SCAPER: variants seen among roughly 807,000 people sequenced by gnomAD.
The protein encoded by SCAPER is S-phase cyclin A associated protein in the ER.
SCAPER carries 98 observed loss-of-function variants against 182.2 expected under a neutral mutation model. The ratio of observed to expected loss-of-function variants is 0.54; its 90% CI spans 0.46 to 0.64. The LOEUF (loss-of-function observed/expected upper bound fraction) is 0.64, where lower values mean the gene tolerates loss of function less well. Ranked by LOEUF, SCAPER falls within the 30% of genes least tolerant of loss-of-function variation. The pLI, the probability that SCAPER is intolerant of heterozygous loss-of-function variation, is 0.00. For synonymous variants in SCAPER, 605 were observed against 564.6 expected (o/e 1.07, Z -1.01); for missense variants, 1,432 against 1,690.0 (o/e 0.85, Z 2.68).
intron 25 of SCAPER, among the ~76,000 whole-genome samples, chr15:76,443,163 C>T (rs1301653577): frequency 6.6e-6 from 1 of 152,158 alleles, no homozygotes; most frequent in Non-Finnish European, 1.5e-5. Flanking sequence ...TCCTCCCAAA[C>T]AGTGCAGGGG....
intron 8 of SCAPER, among the ~76,000 whole-genome samples, chr15:76,775,366 T>C (rs2063687323): frequency 6.6e-6 from 1 of 152,138 alleles, no homozygotes; most frequent in Non-Finnish European, 1.5e-5. Flanking sequence ...TGAGTAATAA[T>C]AAATATTTAA....
chr15:76,631,867 T>C (rs1450904905), intron 21 of SCAPER, among the ~76,000 whole-genome samples: 1 of 152,196 alleles, frequency 6.6e-6, no homozygotes, highest in African/African-American at 2.4e-5. Flanking sequence ...CAGGATGATA[T>C]CCTAAAGTGT....
At chr15:76,781,891 C>G (rs990397642) in intron 8 of SCAPER, among the ~76,000 whole-genome samples, 3 of 152,120 alleles carry the variant, frequency 2.0e-5, no homozygotes, top group African/African-American at 7.2e-5. Flanking sequence ...GAAGGAAGAA[C>G]TAAACATGGA....
At chr15:76,885,784 T>A (rs1196645991) in intron 1 of SCAPER, among the ~76,000 whole-genome samples, 1 of 152,176 alleles carries the variant, frequency 6.6e-6, no homozygotes, top group Non-Finnish European at 1.5e-5. Flanking sequence ...CATGCACACC[T>A]GGCCCTATTT....
intron 21 of SCAPER, among the ~76,000 whole-genome samples, chr15:76,635,180 C>G (rs969803720): frequency 6.6e-6 from 1 of 152,174 alleles, no homozygotes; most frequent in Non-Finnish European, 1.5e-5. Flanking sequence ...CTATCAAAGT[C>G]TATAGGCCAG....
At chr15:76,813,940 G>C (rs2066869481) in intron 5 of SCAPER, among the ~76,000 whole-genome samples, 1 of 152,108 alleles carries the variant, frequency 6.6e-6, no homozygotes, top group East Asian at 1.9e-4. Flanking sequence ...GGCCAAGGTG[G>C]GCAGATTACT....
Position 76,728,741 on chromosome 15 carries a change from A to C in SCAPER, c.2023-4T>G. 10 of 1,604,026 alleles carry C rather than the reference A, an allele frequency of 6.2e-6. No individual in the cohort carries two copies. The highest frequency in any genetic ancestry group is 8.5e-6 in the Non-Finnish European group (10 of 1,177,016). On this transcript the variant is annotated splice_region_variant and splice_polypyrimidine_tract_variant and intron_variant, in intron 16 of 31. Transcript: ENST00000563290. ...CCTCTAGAGCTCTCTTGCGTTCCTA[A>C]TGTTAGAAATATTTGTTTCCAATAT...
intron 11 of SCAPER, among the ~76,000 whole-genome samples, chr15:76,766,080 CATTT>C (rs35954470): frequency 3.7e-4 from 55 of 148,486 alleles, no homozygotes; most frequent in South Asian, 8.6e-4. Flanking sequence ...ATCATTTGCT[CATTT>C]ATTTATTTAT....
chr15:76,371,568 C>G (rs570738996), intron 29 of SCAPER, among the ~76,000 whole-genome samples: 1 of 151,298 alleles, frequency 6.6e-6, no homozygotes, highest in Non-Finnish European at 1.5e-5. Context: ...TCCGCCCACC[C>G]CGGCCTCTCA....
chr15:76,351,050 G>C, intron 31 of SCAPER, 187 bp downstream of exon 31: 1 of 472,564 alleles, frequency 2.1e-6, no homozygotes, highest in Non-Finnish European at 3.8e-6. Context: ...TACATATTTG[G>C]ATGCATTCAT....
chr15:76,565,423 A>G (rs1160654349), intron 23 of SCAPER, among the ~76,000 whole-genome samples: 1 of 152,190 alleles, frequency 6.6e-6, no homozygotes, highest in Non-Finnish European at 1.5e-5. Context: ...ATCATTTTTT[A>G]AAAAGTTCCA....
intron 23 of SCAPER, among the ~76,000 whole-genome samples, chr15:76,511,871 G>GTA (rs1314946833): frequency 7.9e-5 from 8 of 100,678 alleles, no homozygotes; most frequent in Admixed American, 6.6e-4. Flanking sequence ...GTGTGTGTGT[G>GTA]TATATATATA....
chr15:76,555,550 C>T (rs141047641), intron 23 of SCAPER, among the ~76,000 whole-genome samples: 8 of 152,238 alleles, frequency 5.3e-5, no homozygotes, highest in African/African-American at 1.7e-4. Context: ...ATCTACCAAC[C>T]AAGCAAACAG....
At chr15:76,720,184 G>A (rs570504899) in intron 17 of SCAPER, among the ~76,000 whole-genome samples, 62 of 150,926 alleles carry the variant, frequency 4.1e-4, no homozygotes, top group African/African-American at 1.4e-3. Context: ...GTGGTGTTCG[G>A]TTTTTTGTCC....
At chr15:76,680,212 G>A (rs923418196) in intron 20 of SCAPER, among the ~76,000 whole-genome samples, 1 of 151,986 alleles carries the variant, frequency 6.6e-6, no homozygotes, top group African/African-American at 2.4e-5. Context: ...TCACAGTGCT[G>A]TTAACTTCTA....
At chr15:76,806,010 T>A (rs2066136256) in intron 5 of SCAPER, among the ~76,000 whole-genome samples, 2 of 152,228 alleles carry the variant, frequency 1.3e-5, no homozygotes, top group Non-Finnish European at 2.9e-5. Context: ...CTGACAAACA[T>A]CTTGTCCCAT....
At chr15:76,348,815 T>C in intron 31 of SCAPER, 79 bp from the exon 32 acceptor site, 1 of 848,308 alleles carries the variant, frequency 1.2e-6, no homozygotes, top group Non-Finnish European at 1.8e-6. Flanking sequence ...AAACTTATTT[T>C]GATATCTGAG....
chr15:76,387,453 G>T (rs2043363477), intron 27 of SCAPER, among the ~76,000 whole-genome samples: 1 of 152,164 alleles, frequency 6.6e-6, no homozygotes, highest in Admixed American at 6.5e-5. Flanking sequence ...TTGAATGGCT[G>T]AATAAATACA....
chr15:76,819,976 A>G (rs1320097571), intron 5 of SCAPER, among the ~76,000 whole-genome samples: 1 of 152,246 alleles, frequency 6.6e-6, no homozygotes, highest in Non-Finnish European at 1.5e-5. Context: ...CAGCCAAAAG[A>G]CACATGAAAA....
Sources: allele counts gnomAD v4.1 joint callset (sites outside exome capture counted in the v4.1 genomes callset), GRCh38; gene constraint gnomAD v4.1.1; transcripts MANE v1.5; gene names NCBI Gene and HGNC (gene_info 2026-07-23, HGNC 2026-07-21).